The following ARID2 variants were observed in gnomAD, a reference collection of about 807,000 sequenced individuals.
ARID2 encodes the protein AT-rich interaction domain 2.
In ARID2, 32 loss-of-function variants were observed where a neutral mutation model predicts 184.6. The ratio of observed to expected loss-of-function variants is 0.17; its 90% CI spans 0.13 to 0.23. ARID2 has a LOEUF of 0.23. Among genes scored for constraint, ARID2 ranks in the 10% least tolerant of loss-of-function variants. The pLI, the probability that ARID2 is intolerant of heterozygous loss-of-function variation, is 1.00. For missense variants in ARID2, 1,696 were observed against 2,197.6 expected (o/e 0.77, Z 4.56); for synonymous variants, 836 against 772.6 (o/e 1.08, Z -1.36).
chr12:45,816,014 G>A (rs934301545), intron 4 of ARID2, among the ~76,000 whole-genome samples: 6 of 152,074 alleles, frequency 3.9e-5, no homozygotes, highest in African/African-American at 1.4e-4. Context: ...CCTTAAACTT[G>A]TGACAGCTTT....
rs775170616 is a variant in ARID2, at chr12:45,851,677, C to T, written c.3554C>T (p.Ala1185Val). ...GTGCCAAATACGAGTTTTGCACCTG[C>T]AACTGTGAGTCAGGGAAATGCAACT... The part of the protein sequence containing the change: ...TVVPNTSFAP[A>V]TVSQGNATQL... The change falls in exon 15 of 21, where the codon GCA becomes GTA. Residue 1185 changes from alanine (A) to valine (V), a missense_variant. Transcript: ENST00000334344. 1 of 1,614,018 alleles carries T rather than the reference C, an allele frequency of 6.2e-7. No homozygotes were observed. The highest frequency in any genetic ancestry group is 1.3e-5 in the African/African-American group (1 of 74,922).
intron 16 of ARID2, among the ~76,000 whole-genome samples, chr12:45,861,913 A>G (rs1456481057): frequency 6.6e-6 from 1 of 152,118 alleles, no homozygotes; most frequent in African/African-American, 2.4e-5. Flanking sequence ...CATTTTTTAG[A>G]TATCAAAGAT....
chr12:45,884,901 G>T (rs926097137), intron 16 of ARID2, among the ~76,000 whole-genome samples: 4 of 152,046 alleles, frequency 2.6e-5, no homozygotes, highest in Non-Finnish European at 1.5e-5. Context: ...TTTTAATCTG[G>T]ATTGACGGTA....
At chr12:45,794,348 T>G (rs976799231) in intron 3 of ARID2, among the ~76,000 whole-genome samples, 1 of 152,240 alleles carries the variant, frequency 6.6e-6, no homozygotes, top group Non-Finnish European at 1.5e-5. Flanking sequence ...TTCTTGTTAT[T>G]AATTTTCAAA....
At chr12:45,763,521 G>T (rs921344032) in intron 3 of ARID2, among the ~76,000 whole-genome samples, 2 of 151,940 alleles carry the variant, frequency 1.3e-5, no homozygotes, top group South Asian at 4.1e-4. Flanking sequence ...GGAAATAATT[G>T]GAGGAGATTG....
chr12:45,766,265 T>A (rs2138016909), intron 3 of ARID2, among the ~76,000 whole-genome samples: 1 of 151,136 alleles, frequency 6.6e-6, no homozygotes, highest in East Asian at 2.0e-4. Context: ...CTTCCCAGGT[T>A]CAAGCGATTC....
intron 20 of ARID2, among the ~76,000 whole-genome samples, chr12:45,895,890 C>T (rs1944362664): frequency 6.6e-6 from 1 of 151,948 alleles, no homozygotes; most frequent in African/African-American, 2.4e-5. Context: ...TTGTCTTAAC[C>T]AAAGAGAAGA....
In ARID2 at chr12:45,839,212, A is replaced by T. The variant is rs1036358214; in HGVS notation, c.1331-117A>T. ...GCACAGGTAATTCTGATGTACTGTG[A>T]TTCATGGACTAGCATTTATTCACAT... On this transcript the variant is annotated intron_variant, in intron 10 of 20. Transcript: ENST00000334344. 6.8e-6 allele frequency: 7 copies of T among 1,030,594 alleles called. No individual in the cohort carries two copies. The African/African-American group carries it at 9.8e-5, about 14-fold the overall frequency. 63.8% of individuals were successfully genotyped at this position (1,030,594 alleles called of 1,614,324 possible).
In ARID2 at chr12:45,851,337, A is replaced by G. The variant is rs1395569786; in HGVS notation, c.3214A>G (p.Thr1072Ala). 1 of 1,614,014 alleles carries G rather than the reference A, an allele frequency of 6.2e-7. No individual in the cohort carries two copies. The highest frequency in any genetic ancestry group is 1.3e-5 in the African/African-American group (1 of 74,882). The change falls in exon 15 of 21, where the codon ACA becomes GCA. Residue 1072 changes from threonine to alanine, a missense_variant. Physicochemically the swap from Thr to Ala is moderately conservative, Grantham distance 58. This residue lies in a region of ARID2 where 713 missense variants were observed against 824.4 expected (regional missense o/e 0.86). Coordinates refer to ENST00000334344, the MANE Select transcript of ARID2 (RefSeq NM_152641.4). Reference sequence around the variant, plus strand: ...TCTGCTTCCGAAACGTGGTCCTTCAACACCAGGTGGTAAGCTTATTCTCCC... The same window carrying G: ...TCTGCTTCCGAAACGTGGTCCTTCAGCACCAGGTGGTAAGCTTATTCTCCC... ...QLLLPKRGPSTPGGKLILPAP... is the reference protein window; with the variant it reads ...QLLLPKRGPSAPGGKLILPAP...
intron 3 of ARID2, among the ~76,000 whole-genome samples, chr12:45,733,473 A>G (rs1222648241): frequency 1.3e-5 from 2 of 152,236 alleles, no homozygotes; most frequent in Non-Finnish European, 2.9e-5. Context: ...GTCAGATTGA[A>G]TATCATCATT....
At chr12:45,738,629 T>C (rs1941177761) in intron 3 of ARID2, among the ~76,000 whole-genome samples, 1 of 152,148 alleles carries the variant, frequency 6.6e-6, no homozygotes, top group Admixed American at 6.5e-5. Flanking sequence ...ATTTTATTTT[T>C]ATCATTTCAA....
At chr12:45,800,321 A>G (rs1419977287) in intron 3 of ARID2, among the ~76,000 whole-genome samples, 1 of 152,172 alleles carries the variant, frequency 6.6e-6, no homozygotes, top group African/African-American at 2.4e-5. Flanking sequence ...GACACAAAGA[A>G]CTGTAAAATT....
At chr12:45,874,770 CT>C (rs1943983822) in intron 16 of ARID2, among the ~76,000 whole-genome samples, 3 of 152,186 alleles carry the variant, frequency 2.0e-5, no homozygotes, top group Admixed American at 6.5e-5. Context: ...TTTCAATTTA[CT>C]TTGCCAGATC....
intron 3 of ARID2, among the ~76,000 whole-genome samples, chr12:45,796,737 T>C (rs1592082316): frequency 2.0e-5 from 3 of 152,150 alleles, no homozygotes; most frequent in African/African-American, 7.2e-5. Context: ...GGTCTCGAAC[T>C]CCTAACCTTA....
chr12:45,750,183 G>T (rs1941434439), intron 3 of ARID2, among the ~76,000 whole-genome samples: 1 of 152,136 alleles, frequency 6.6e-6, no homozygotes. Flanking sequence ...GGCCGTTGTG[G>T]CCTAATTTCA....
At chr12:45,865,174 T>A (rs1943813132) in intron 16 of ARID2, among the ~76,000 whole-genome samples, 1 of 152,194 alleles carries the variant, frequency 6.6e-6, no homozygotes, top group Admixed American at 6.5e-5. Context: ...ATAGTCTGTG[T>A]GTTTATACTG....
In ARID2 at chr12:45,846,878, G is replaced by A. The variant is rs745890862; in HGVS notation, c.1521G>A (p.Gln507=). ...SAPASRAVVA[Q]HVAPPPGIVE... ...TAGCTTCCAGAGCAGTTGTAGCGCA[G>A]CATGTTGCTCCACCTCCAGGAATAG... is the stretch of plus-strand genomic sequence containing the variant. The change falls in exon 12 of 21, where the codon CAG becomes CAA. Residue 507 remains glutamine (Q), a synonymous_variant. Coordinates refer to ENST00000334344, the MANE Select transcript of ARID2 (RefSeq NM_152641.4). 111 of 1,613,010 alleles carry A rather than the reference G, an allele frequency of 6.9e-5. No individual in the cohort carries two copies. The highest frequency in any genetic ancestry group is 8.9e-5 in the Non-Finnish European group (105 of 1,179,342).
intron 3 of ARID2, chr12:45,789,669 A>G (rs948313433): frequency 6.6e-5 from 10 of 152,156 alleles, no homozygotes; most frequent in South Asian, 4.1e-4. Flanking sequence ...GGATTTGTCA[A>G]TTGCTCTGTG....
rs1187682634 is a variant in ARID2, at chr12:45,729,780, G to A, written c.-57G>A. Reference sequence around the variant, plus strand: ...GGCTCTGGTAGGAAGCGCTGGGAGCGGGGGGCGCTTTTAAAACACCGATCT... The same window carrying A: ...GGCTCTGGTAGGAAGCGCTGGGAGCAGGGGGCGCTTTTAAAACACCGATCT... On this transcript the variant is annotated 5_prime_UTR_variant, in exon 1 of 21. Coordinates refer to ENST00000334344, the MANE Select transcript of ARID2 (RefSeq NM_152641.4). 4.0e-6 allele frequency: 6 copies of A among 1,490,390 alleles called. No individual in the cohort carries two copies. The South Asian group carries it at 7.2e-5, about 18-fold the overall frequency. The allele number at this position is 1,490,390 out of a possible 1,614,324, so 92.3% of individuals were successfully genotyped here.
Sources: gnomAD v4.1 joint callset for allele counts (sites outside exome capture counted in the v4.1 genomes callset) on GRCh38, gnomAD v4.1.1 for gene constraint, gnomAD v4.1.1 regional missense constraint, MANE v1.5 for transcripts, NCBI Gene and HGNC (gene_info 2026-07-23, HGNC 2026-07-21) for gene names.